The following KNL1 variants were observed in gnomAD, a reference collection of about 807,000 sequenced individuals.
KNL1 encodes outer kinetochore KNL1 complex subunit KNL1.
In KNL1, 66 loss-of-function variants were observed where a neutral mutation model predicts 201.3. The observed-to-expected ratio is 0.33, with a 90% CI of 0.27 to 0.40. The LOEUF is 0.40. Among genes scored for constraint, KNL1 ranks in the 10% least tolerant of loss-of-function variants. KNL1 has a pLI of 1.00. For missense variants in KNL1, 2,815 were observed against 2,690.5 expected, an observed-to-expected ratio of 1.05 and a Z score of -1.02; for synonymous variants, 895 against 899.2, an observed-to-expected ratio of 1.00 and a Z score of 0.08.
At chr15:40,603,564 C>T (rs146514869) in intron 2 of KNL1, among the ~76,000 whole-genome samples, 7 of 152,294 alleles carry the variant, frequency 4.6e-5, no homozygotes, top group Admixed American at 4.6e-4. Context: ...TGAGACCAGC[C>T]TGAGCAACAT....
chr15:40,616,498 C>T (rs7161938), intron 8 of KNL1, among the ~76,000 whole-genome samples: 131,401 of 152,194 alleles, frequency 0.86, 57,627 homozygotes, highest in African/African-American at 0.97. Flanking sequence ...CTCATTCAGT[C>T]ATTCACTGAA....
intron 17 of KNL1, among the ~76,000 whole-genome samples, chr15:40,649,420 C>G (rs886497640): frequency 2.0e-5 from 3 of 150,776 alleles, no homozygotes; most frequent in Non-Finnish European, 4.4e-5. Context: ...CTCAGCCTCC[C>G]AAGTAGCTGG....
In KNL1 at chr15:40,623,434, C is replaced by A. The variant is rs546541262; in HGVS notation, c.3170C>A (p.Pro1057His). The change falls in exon 10 of 26, where the codon CCT (proline) becomes CAT (histidine). Residue 1057 changes from proline to histidine, a missense_variant. By Grantham distance (77) the Pro-to-His change is moderately conservative. Coordinates refer to ENST00000399668, the MANE Select transcript of KNL1 (RefSeq NM_144508.5). ...DVQSPGFLNE[P>H]LSSKSQRRKS... is the part of the protein sequence containing the mutation. ...CAAAGTCCTGGATTTCTGAATGAAC[C>A]TCTATCAAGCAAAAGTCAGAGAAGA... 3 of 1,612,712 alleles carry A rather than the reference C, an allele frequency of 1.9e-6. No homozygotes were observed. The highest frequency in any genetic ancestry group is 1.1e-5 in the South Asian group (1 of 90,936).
chr15:40,607,305 G>A (rs1437886177), intron 4 of KNL1, among the ~76,000 whole-genome samples: 2 of 152,174 alleles, frequency 1.3e-5, no homozygotes, highest in Non-Finnish European at 1.5e-5. Context: ...TATGAACTAC[G>A]AAAAGATCAG....
At chr15:40,650,208 T>G in intron 17 of KNL1, 93 bp from the exon 18 acceptor site, 1 of 799,372 alleles carries the variant, frequency 1.3e-6, no homozygotes, top group Non-Finnish European at 2.0e-6. Flanking sequence ...TTTAATAAAT[T>G]GTTTTTGATT....
intron 25 of KNL1, among the ~76,000 whole-genome samples, chr15:40,661,479 G>T (rs1893907153): frequency 6.6e-6 from 1 of 152,192 alleles, no homozygotes; most frequent in African/African-American, 2.4e-5. Flanking sequence ...CTGGGCAACA[G>T]AGCAAGACTC....
rs571470391 is a variant in KNL1, at chr15:40,627,031, A to G, written c.5377-1039A>G. ...TGCCTTGGCCTCCTGAGTAGCTGGGATTACAGGCATGTGCCACCACACCCG... is the reference window on the plus strand; with the variant it reads ...TGCCTTGGCCTCCTGAGTAGCTGGGGTTACAGGCATGTGCCACCACACCCG... On this transcript the variant is annotated intron_variant, in intron 10 of 25. Transcript: ENST00000399668. 5.3e-5 allele frequency among the ~76,000 whole-genome samples: 8 copies of G among 152,028 alleles called. No individual in the cohort carries two copies. The East Asian group carries it at 1.6e-3, about 30-fold the overall frequency.
intron 10 of KNL1, 41 bp downstream of exon 10, chr15:40,625,681 GGTTTT>G (rs746935803): frequency 2.0e-6 from 3 of 1,534,780 alleles, no homozygotes; most frequent in East Asian, 4.5e-5. Flanking sequence ...TTGAATTTTG[GGTTTT>G]GTTTTGTTTT....
chr15:40,643,235 C>T (rs1025923963), intron 14 of KNL1: 43 of 152,156 alleles, frequency 2.8e-4, no homozygotes, highest in Admixed American at 3.3e-4. Flanking sequence ...CACCCAGGCG[C>T]GATCTCGGCT....
chr15:40,639,146 A>G (rs1893146054), intron 13 of KNL1, among the ~76,000 whole-genome samples: 2 of 146,040 alleles, frequency 1.4e-5, no homozygotes, highest in African/African-American at 2.5e-5. Context: ...GTATAATTCT[A>G]GCCTTAAAAA....
intron 10 of KNL1, 76 bp downstream of exon 10, chr15:40,625,716 C>A: frequency 1.7e-6 from 2 of 1,146,722 alleles, no homozygotes; most frequent in Admixed American, 2.3e-5. Flanking sequence ...TGGGTATTCT[C>A]AAATTTTAAT....
intron 1 of KNL1, among the ~76,000 whole-genome samples, chr15:40,601,646 C>A (rs535981456): frequency 6.6e-6 from 1 of 151,630 alleles, no homozygotes; most frequent in East Asian, 2.0e-4. Context: ...GGTGAAACCC[C>A]GTCTCTACTA....
At position 40,623,090 on chromosome 15, in the gene KNL1, T is replaced by G; in HGVS notation, c.2826T>G (p.Thr942=). ...TAACTACTAGGCCTATGGACAAAAC[T>G]GTAGTGTTTGTAGATAATCATGTTG... The part of the protein sequence containing the change: ...DEITTRPMDK[T]VVFVDNHVEL... Residue 942 remains threonine (T), a synonymous_variant, in exon 10 of 26, where the codon ACT becomes ACG. Transcript: ENST00000399668. 6.2e-7 allele frequency: 1 copy of G among 1,613,716 alleles called. No individual in the cohort carries two copies. The highest frequency in any genetic ancestry group is 1.1e-5 in the South Asian group (1 of 91,070).
At chr15:40,647,481 AT>A (rs1385446508) in intron 17 of KNL1, among the ~76,000 whole-genome samples, 2 of 152,056 alleles carry the variant, frequency 1.3e-5, no homozygotes, top group East Asian at 1.9e-4. Flanking sequence ...CTCAAAAAAA[AT>A]AATAATAAAA....
rs528678085 is a variant in KNL1, at chr15:40,633,896, A to C, written c.5682+4525A>C. ...AAATAAAACAAGTTAACTGTAAAAC[A>C]GCCTCAGGCAAGTCCTTCAGGAGTT... On this transcript the variant is annotated intron_variant, in intron 13 of 25. Transcript: ENST00000399668. Among the ~76,000 whole-genome samples, 4 of 152,306 alleles carry C rather than the reference A, an allele frequency of 2.6e-5. No homozygotes were observed. In the South Asian group the frequency reaches 6.2e-4, roughly 24 times the overall value.
chr15:40,649,081 G>A (rs1174471911), intron 17 of KNL1, among the ~76,000 whole-genome samples: 5 of 148,354 alleles, frequency 3.4e-5, no homozygotes, highest in Non-Finnish European at 7.4e-5. Flanking sequence ...CAGGTGATCC[G>A]CCCGCCTCGG....
chr15:40,603,382 C>T (rs1210325046), intron 2 of KNL1, among the ~76,000 whole-genome samples: 3 of 152,158 alleles, frequency 2.0e-5, no homozygotes, highest in Non-Finnish European at 4.4e-5. Context: ...ATGATGGTTT[C>T]CAGCTTCATC....
rs552522659 is a variant in KNL1, at chr15:40,616,611, T to G, written c.322+1233T>G. Among the ~76,000 whole-genome samples, 4 of 152,340 alleles carry G rather than the reference T, an allele frequency of 2.6e-5. No individual in the cohort carries two copies. The East Asian group carries it at 7.7e-4, about 29-fold the overall frequency. On this transcript the variant is annotated intron_variant, in intron 8 of 25. Coordinates refer to ENST00000399668, the MANE Select transcript of KNL1 (RefSeq NM_144508.5). ...AAATGTCTTGAAAATCGTTACCTAT[T>G]CTGTATTCCTTCTGTGACTGCTTTA...
intron 10 of KNL1, among the ~76,000 whole-genome samples, chr15:40,626,488 A>C (rs1250975874): frequency 6.6e-6 from 1 of 151,990 alleles, no homozygotes; most frequent in East Asian, 1.9e-4. Context: ...TATTTTCGAT[A>C]AATATATAGA....
Sources: allele counts gnomAD v4.1 joint callset (sites outside exome capture counted in the v4.1 genomes callset), GRCh38; gene constraint gnomAD v4.1.1; transcripts MANE v1.5; gene names NCBI Gene and HGNC (gene_info 2026-07-23, HGNC 2026-07-21).